The following SLC4A7 variants were observed in gnomAD, a reference collection of about 807,000 sequenced individuals.
The protein encoded by SLC4A7 is solute carrier family 4 member 7.
SLC4A7 carries 51 observed loss-of-function variants against 137.6 expected under a neutral mutation model. The observed-to-expected ratio is 0.37, with a 90% CI of 0.30 to 0.47. SLC4A7 has a LOEUF of 0.47. Among genes scored for constraint, SLC4A7 ranks in the 20% least tolerant of loss-of-function variants. The pLI is 1.00. For synonymous variants in SLC4A7, 542 were observed against 518.6 expected (o/e 1.05, Z -0.61); for missense variants, 1,247 against 1,525.4 (o/e 0.82, Z 3.04).
At chr3:27,447,317 A>G (rs1464729856) in intron 3 of SLC4A7, among the ~76,000 whole-genome samples, 2 of 152,238 alleles carry the variant, frequency 1.3e-5, no homozygotes, top group East Asian at 3.8e-4. Context: ...ATGGTTAAAC[A>G]TAAGACCATT....
intron 24 of SLC4A7, 76 bp from the exon 25 acceptor site, chr3:27,379,432 T>G: frequency 1.4e-6 from 1 of 720,862 alleles, no homozygotes; most frequent in Admixed American, 2.2e-5. Context: ...TATTATCTGC[T>G]TTCATCAACT....
At chr3:27,452,789 AC>A (rs1054424027) in intron 1 of SLC4A7, among the ~76,000 whole-genome samples, 125 of 152,324 alleles carry the variant, frequency 8.2e-4, no homozygotes, top group African/African-American at 2.6e-3. Context: ...CAAAAGACAG[AC>A]CTTCTAGGGT....
rs549531638 is a variant in SLC4A7, at chr3:27,429,877, A to G, written c.1150+1421T>C. On this transcript the variant is annotated intron_variant, in intron 7 of 25. Coordinates refer to ENST00000454389, the MANE Select transcript of SLC4A7 (RefSeq NM_001321103.2). ...ACCCCACCCGCCCAAGCAAAAAAAAAAAGCCTAAAATGTACTACATTCTTT... is the reference window on the plus strand; with the variant it reads ...ACCCCACCCGCCCAAGCAAAAAAAAGAAGCCTAAAATGTACTACATTCTTT... Among the ~76,000 whole-genome samples, 162 of 152,146 alleles carry G rather than the reference A, an allele frequency of 1.1e-3. 2 individuals are homozygous for G. The South Asian group carries it at 0.013, about 12-fold the overall frequency.
chr3:27,426,162 A>C (rs557502742), intron 7 of SLC4A7, among the ~76,000 whole-genome samples: 1 of 152,360 alleles, frequency 6.6e-6, no homozygotes, highest in Non-Finnish European at 1.5e-5. Context: ...TTCTCTGTAA[A>C]TACCTAAACT....
chr3:27,376,076 G>T lies in SLC4A7; in HGVS notation c.*688C>A, dbSNP rs535783445. ...TTTTTAAATTCAGAAGTTATAAATG[G>T]TATGGGTGCTTAATTATCAAATCAC... On this transcript the variant is annotated 3_prime_UTR_variant, in exon 26 of 26. Transcript: ENST00000454389. 92 of 152,126 alleles carry T rather than the reference G, an allele frequency of 6.0e-4. No homozygotes were observed. Among genetic ancestry groups the T allele is most frequent in the African/African-American group, 2.0e-3 (84 of 41,546 alleles). 9.4% of individuals were successfully genotyped at this position (152,126 alleles called of 1,614,324 possible).
At chr3:27,447,849 T>C (rs1259506363) in intron 3 of SLC4A7, among the ~76,000 whole-genome samples, 1 of 151,984 alleles carries the variant, frequency 6.6e-6, no homozygotes, top group African/African-American at 2.4e-5. Context: ...AAGAGTACTC[T>C]TTTTTGCACA....
At chr3:27,418,341 C>A (rs1189530932) in intron 11 of SLC4A7, 145 bp downstream of exon 11, 5 of 619,352 alleles carry the variant, frequency 8.1e-6, no homozygotes, top group Admixed American at 6.9e-5. Context: ...AATGGTCCAC[C>A]CACAGGAGGT....
chr3:27,464,580 C>G (rs2058872657), intron 1 of SLC4A7, among the ~76,000 whole-genome samples: 1 of 152,026 alleles, frequency 6.6e-6, no homozygotes, highest in African/African-American at 2.4e-5. Flanking sequence ...CCTTTACCAG[C>G]TACTCGGGAG....
chr3:27,455,551 G>A (rs992478406), intron 1 of SLC4A7, among the ~76,000 whole-genome samples: 3 of 151,240 alleles, frequency 2.0e-5, no homozygotes, highest in Admixed American at 6.6e-5. Context: ...GTGTTTTCAT[G>A]CGTAACTTGC....
rs964958576 is a variant in SLC4A7 at position 27,373,809 on chromosome 3, G to A, written c.*2955C>T. 1.7e-4 allele frequency: 26 copies of A among 152,490 alleles called. No homozygotes were observed. The highest frequency in any genetic ancestry group is 6.0e-4 in the African/African-American group (25 of 41,428). 9.4% of individuals were successfully genotyped at this position (152,490 alleles called of 1,614,324 possible). ...GAAGAAAACAAGTTAATTTTGAGTG[G>A]TAAACAAATCTGGTTTACAAATACA... On this transcript the variant is annotated 3_prime_UTR_variant, in exon 26 of 26. Transcript: ENST00000454389.
chr3:27,418,200 T>C (rs746054007), intron 11 of SLC4A7, among the ~76,000 whole-genome samples: 1 of 152,128 alleles, frequency 6.6e-6, no homozygotes, highest in Non-Finnish European at 1.5e-5. Context: ...GATACAACTT[T>C]TATATGAAAA....
intron 15 of SLC4A7, among the ~76,000 whole-genome samples, chr3:27,402,521 G>A (rs1489313547): frequency 6.6e-6 from 1 of 152,080 alleles, no homozygotes; most frequent in Non-Finnish European, 1.5e-5. Flanking sequence ...CCAACATGGC[G>A]AAACTCTGTC....
chr3:27,473,957 A>C (rs1178571126), intron 1 of SLC4A7, among the ~76,000 whole-genome samples: 1 of 152,164 alleles, frequency 6.6e-6, no homozygotes, highest in Non-Finnish European at 1.5e-5. Context: ...TAAATGGTAA[A>C]TTTAAGATGA....
At chr3:27,419,164 A>G (rs2054681428) in intron 10 of SLC4A7, among the ~76,000 whole-genome samples, 1 of 152,168 alleles carries the variant, frequency 6.6e-6, no homozygotes, top group South Asian at 2.1e-4. Flanking sequence ...GAAACGCGTT[A>G]TTAAATAAAT....
At chr3:27,427,054 CA>C (rs1173443618) in intron 7 of SLC4A7, among the ~76,000 whole-genome samples, 3 of 152,112 alleles carry the variant, frequency 2.0e-5, no homozygotes, top group African/African-American at 7.2e-5. Context: ...GAGGTAGTTA[CA>C]GCAATGGTGC....
Position 27,424,719 on chromosome 3 carries a change from G to T in SLC4A7, c.1151-567C>A, listed in dbSNP as rs540309450. 4.6e-5 allele frequency among the ~76,000 whole-genome samples: 7 copies of T among 152,226 alleles called. No homozygotes were observed. In the East Asian group the frequency reaches 1.2e-3, roughly 25 times the overall value. ...TAATACCTATTGTCATTACTCCTAA[G>T]AAATCCAACTTTAAAATATAACAAG... On this transcript the variant is annotated intron_variant, in intron 7 of 25. Coordinates refer to ENST00000454389, the MANE Select transcript of SLC4A7 (RefSeq NM_001321103.2).
rs528463009 is a variant in SLC4A7, at chr3:27,461,414, C to A, written c.61-8916G>T. 5.3e-5 allele frequency among the ~76,000 whole-genome samples: 8 copies of A among 151,404 alleles called. No homozygotes were observed. The East Asian group carries it at 1.4e-3, about 26-fold the overall frequency. Reference sequence around the variant, plus strand: ...ACACTGTCTCAAAAAAAAACAAAAACAAAACAAAACAAACAAACAGATTCA... The same window carrying A: ...ACACTGTCTCAAAAAAAAACAAAAAAAAAACAAAACAAACAAACAGATTCA... On this transcript the variant is annotated intron_variant, in intron 1 of 25. Coordinates refer to ENST00000454389, the MANE Select transcript of SLC4A7 (RefSeq NM_001321103.2).
At chr3:27,474,082 A>G (rs1015077833) in intron 1 of SLC4A7, among the ~76,000 whole-genome samples, 4 of 152,204 alleles carry the variant, frequency 2.6e-5, no homozygotes, top group Middle Eastern at 3.2e-3. Context: ...AAGCTCTCTG[A>G]CTTTCTATAC....
intron 1 of SLC4A7, among the ~76,000 whole-genome samples, chr3:27,466,586 G>A (rs1464987095): frequency 3.3e-5 from 5 of 152,226 alleles, no homozygotes; most frequent in South Asian, 2.1e-4. Flanking sequence ...CCAGCACTTT[G>A]GGAAGCTGAG....
Sources: gnomAD v4.1 joint callset for allele counts (sites outside exome capture counted in the v4.1 genomes callset) on GRCh38, gnomAD v4.1.1 for gene constraint, MANE v1.5 for transcripts, NCBI Gene and HGNC (gene_info 2026-07-23, HGNC 2026-07-21) for gene names.